Variants in DDX60 observed in about 807,000 individuals in gnomAD.
DDX60 encodes the protein DExD/H-box helicase 60.
Under a neutral mutation model 212.8 loss-of-function variants are expected in DDX60, and 165 were observed. The observed-to-expected ratio is 0.78, with a 90% CI of 0.68 to 0.88. The LOEUF is 0.88. Among genes scored for constraint, DDX60 ranks in the 40% least tolerant of loss-of-function variants. The probability of loss-of-function intolerance (pLI) is 0.00; values close to 1 mark genes in which losing one functional copy is unlikely to be tolerated. For synonymous variants in DDX60, 703 were observed against 685.3 expected (o/e 1.03, Z -0.40); for missense variants, 1,905 against 2,003.9 (o/e 0.95, Z 0.94).
At chr4:168,274,199 C>T in intron 16 of DDX60, 116 bp from the exon 17 acceptor site, 1 of 1,225,984 alleles carries the variant, frequency 8.2e-7, no homozygotes, top group Non-Finnish European at 1.1e-6. Context: ...TCTGTAGGTA[C>T]ATCTGAAGGT....
At chr4:168,265,633 C>G (rs1331848146) in intron 22 of DDX60, 1 of 152,134 alleles carries the variant, frequency 6.6e-6, no homozygotes, top group Non-Finnish European at 1.5e-5. Flanking sequence ...AGAGGAAAGG[C>G]ACTTGGACCA....
At chr4:168,296,297 T>C (rs1289864487) in intron 6 of DDX60, among the ~76,000 whole-genome samples, 1 of 152,022 alleles carries the variant, frequency 6.6e-6, no homozygotes, top group Non-Finnish European at 1.5e-5. Context: ...ATTTTTTTAA[T>C]TTAAAATTTT....
At chr4:168,230,497 C>CAT (rs879373764) in intron 33 of DDX60, among the ~76,000 whole-genome samples, 10 of 151,984 alleles carry the variant, frequency 6.6e-5, no homozygotes, top group Admixed American at 6.6e-4. Flanking sequence ...GATCTCAGAT[C>CAT]ACAGTGGAAT....
chr4:168,228,224 TA>T (rs1733326307), intron 33 of DDX60, among the ~76,000 whole-genome samples: 2 of 152,094 alleles, frequency 1.3e-5, no homozygotes, highest in Non-Finnish European at 2.9e-5. Context: ...AAAGGTACAG[TA>T]AAAATACAAT....
Position 168,275,485 on chromosome 4 carries a change from T to C in DDX60, c.2164A>G (p.Lys722Glu), listed in dbSNP as rs201713405. The change falls in exon 16 of 38, where the codon AAA becomes GAA. Residue 722 changes from lysine (K) to glutamate (E), a missense_variant. Transcript: ENST00000393743. ...HPAQDAENDVKVKKRNKYSVG... is the reference protein window; with the variant it reads ...HPAQDAENDVEVKKRNKYSVG... Reference sequence around the variant, plus strand: ...GAATATTTATTCCTTTTCTTCACTTTTACATCATTTTCTGCATCCTGCATT... The same window carrying C: ...GAATATTTATTCCTTTTCTTCACTTCTACATCATTTTCTGCATCCTGCATT... The C allele has an allele frequency of 1.9e-6, 3 of 1,605,356 alleles. No homozygotes were observed. The African/African-American group carries it at 4.0e-5, about 21-fold the overall frequency.
rs1224539288 is a variant in DDX60 at position 168,224,122 on chromosome 4, C to T, written c.4824+121G>A. 2.7e-5 allele frequency: 28 copies of T among 1,038,766 alleles called. No individual in the cohort carries two copies. In the South Asian group the frequency reaches 3.1e-4, roughly 11 times the overall value. The allele number at this position is 1,038,766 out of a possible 1,614,324, so 64.3% of individuals were successfully genotyped here. ...CAATTCCTGAATATATCTGTTGATA[C>T]ACCCAGATTTTTTTTTTCCTTTTTA... On this transcript the variant is annotated intron_variant, in intron 35 of 37. Coordinates refer to ENST00000393743, the MANE Select transcript of DDX60 (RefSeq NM_017631.6).
At chr4:168,238,254 A>AC (rs1560819222) in intron 30 of DDX60, among the ~76,000 whole-genome samples, 1 of 149,418 alleles carries the variant, frequency 6.7e-6, no homozygotes, top group Non-Finnish European at 1.5e-5. Context: ...AAAAAAAAAA[A>AC]AAAAACCCAG....
rs768575856 is a variant in DDX60, at chr4:168,306,366, G to C, written c.606+13C>G. 26 of 1,563,668 alleles carry C rather than the reference G, an allele frequency of 1.7e-5. No homozygotes were observed. In the South Asian group the frequency reaches 1.9e-4, roughly 11 times the overall value. On this transcript the variant is annotated intron_variant, in intron 5 of 37. Transcript: ENST00000393743. ...AAATTTCTAGAAGAAATTGTCTTTT[G>C]GATGTGAATTACCTTCCAGGAAAAA...
At chr4:168,287,960 GA>G (rs1481398158) in intron 9 of DDX60, among the ~76,000 whole-genome samples, 2 of 152,056 alleles carry the variant, frequency 1.3e-5, no homozygotes, top group African/African-American at 4.8e-5. Context: ...ATTTTCTCCT[GA>G]AATACTTTTA....
At chr4:168,319,556 T>C (rs1031785451), upstream of DDX60, among the ~76,000 whole-genome samples, 2 of 152,202 alleles carry the variant, frequency 1.3e-5, no homozygotes, top group African/African-American at 4.8e-5. Flanking sequence ...AAAAAATAAA[T>C]TGAAAATGCA....
rs372855729 is a variant in DDX60, at chr4:168,311,054, A to C, written c.18T>G (p.Leu6=). The change falls in exon 3 of 38, where the codon CTT becomes CTG. Residue 6 remains leucine (L), a synonymous_variant. Transcript: ENST00000393743. ...GGGACATTTCCTGTGAAAATGTTGTAAGAACATTTCTTTCTAAATTTAAAA... is the reference window on the plus strand; with the variant it reads ...GGGACATTTCCTGTGAAAATGTTGTCAGAACATTTCTTTCTAAATTTAAAA... The part of the protein sequence containing the change: MERNV[L]TTFSQEMSQL... 5 of 1,574,048 alleles carry C rather than the reference A, an allele frequency of 3.2e-6. No homozygotes were observed. Among genetic ancestry groups the C allele is most frequent in the Non-Finnish European group, 4.4e-6 (5 of 1,148,242 alleles).
At chr4:168,237,613 C>A in intron 31 of DDX60, 78 bp downstream of exon 31, 2 of 1,337,190 alleles carry the variant, frequency 1.5e-6, no homozygotes, top group Non-Finnish European at 1.0e-6. Flanking sequence ...CTTCTAAAAG[C>A]TACAATTTGT....
chr4:168,262,460 C>CA (rs59392012), intron 23 of DDX60, among the ~76,000 whole-genome samples: 68 of 121,522 alleles, frequency 5.6e-4, no homozygotes, highest in South Asian at 1.3e-3. Context: ...GAAAAGATTT[C>CA]AAAAAAAAAA....
Position 168,267,940 on chromosome 4 carries a change from T to C in DDX60, c.2830A>G (p.Ile944Val), listed in dbSNP as rs1382799869. The C allele has an allele frequency of 1.2e-6, 2 of 1,613,254 alleles. No homozygotes were observed. The highest frequency in any genetic ancestry group is 1.7e-5 in the Admixed American group (1 of 59,988). ...VKWYWKQEDK[I>V]IENNTASKRH... ...TTAGAAGCGGTATTATTTTCAATTA[T>C]TTTGTCTTCTTGTTTCCAGTACCAT... is the stretch of plus-strand genomic sequence containing the variant. The change falls in exon 21 of 38, where the codon ATA (isoleucine) becomes GTA (valine). Residue 944 changes from isoleucine (I) to valine (V), a missense_variant. Coordinates refer to ENST00000393743, the MANE Select transcript of DDX60 (RefSeq NM_017631.6).
chr4:168,289,239 C>T (rs956500453), intron 8 of DDX60, among the ~76,000 whole-genome samples: 2 of 152,174 alleles, frequency 1.3e-5, no homozygotes, highest in Admixed American at 6.5e-5. Context: ...CAGTGAGCTC[C>T]GTTTCATTAA....
intron 8 of DDX60, among the ~76,000 whole-genome samples, chr4:168,290,328 C>CTT (rs547452038): frequency 2.6e-3 from 326 of 124,250 alleles, no homozygotes; most frequent in African/African-American, 8.8e-3. Flanking sequence ...CTTTTCTTTT[C>CTT]TTTTTTTTTT....
Position 168,276,005 on chromosome 4 carries a change from A to G in DDX60, c.2145+10T>C. 1 of 1,603,070 alleles carries G rather than the reference A, an allele frequency of 6.2e-7. No homozygotes were observed. Among genetic ancestry groups the G allele is most frequent in the African/African-American group, 1.3e-5 (1 of 74,776 alleles). ...ACCCTGTTGAAATTGAGCTATTCTG[A>G]TAATATTACCTGGGCTGGATGTAAA... On this transcript the variant is annotated intron_variant, in intron 15 of 37. Transcript: ENST00000393743.
At chr4:168,324,299 G>T in the DDX60 span, among the ~76,000 whole-genome samples, 2 of 152,194 alleles carry the variant, frequency 1.3e-5, no homozygotes, top group Non-Finnish European at 2.9e-5. Flanking sequence ...CCAACACAAT[G>T]GTGTACAGTA....
chr4:168,309,647 G>A (rs1737044430), intron 3 of DDX60, among the ~76,000 whole-genome samples: 1 of 152,010 alleles, frequency 6.6e-6, no homozygotes, highest in Non-Finnish European at 1.5e-5. Flanking sequence ...ATCTAAAACT[G>A]GAAAATCTAA....
Sources: allele counts gnomAD v4.1 joint callset (sites outside exome capture counted in the v4.1 genomes callset), GRCh38; gene constraint gnomAD v4.1.1; transcripts MANE v1.5; gene names NCBI Gene and HGNC (gene_info 2026-07-23, HGNC 2026-07-21).